The following DCC variants were observed in gnomAD, a reference collection of about 807,000 sequenced individuals.
DCC encodes the protein netrin receptor DCC.
Under a neutral mutation model 172.5 loss-of-function variants are expected in DCC, and 58 were observed. The ratio of observed to expected loss-of-function variants is 0.34; its 90% confidence interval spans 0.27 to 0.42. The LOEUF (loss-of-function observed/expected upper bound fraction) is 0.42. Among genes scored for constraint, DCC ranks in the 10% least tolerant of loss-of-function variants. The pLI is 1.00. For missense variants in DCC, 1,740 were observed against 1,791.0 expected, an observed-to-expected ratio of 0.97 and a Z score of 0.51; for synonymous variants, 709 against 644.5, an observed-to-expected ratio of 1.10 and a Z score of -1.52.
At chr18:53,429,048 A>AGT (rs1469210888) in intron 21 of DCC, among the ~76,000 whole-genome samples, 1 of 19,504 alleles carries the variant, frequency 5.1e-5, no homozygotes, top group African/African-American at 9.5e-5. Flanking sequence ...TTTTATATAT[A>AGT]ATATATTATA....
chr18:53,210,692 C>A (rs1351882961), intron 11 of DCC, among the ~76,000 whole-genome samples: 1 of 152,116 alleles, frequency 6.6e-6, no homozygotes, highest in East Asian at 1.9e-4. Flanking sequence ...CATAATAATT[C>A]TTTTCATATC....
At position 53,063,291 on chromosome 18, in the gene DCC, T is replaced by C. The variant is rs370494325; in HGVS notation, c.986-14T>C. Reference sequence around the variant, plus strand: ...CCCACCCACTCACTCACTTTTTTTTTTCTGTCTTTGCAGTTCCGCCATGGT... The same window carrying C: ...CCCACCCACTCACTCACTTTTTTTTCTCTGTCTTTGCAGTTCCGCCATGGT... On this transcript the variant is annotated splice_polypyrimidine_tract_variant and intron_variant, in intron 5 of 28. Coordinates refer to ENST00000442544, the MANE Select transcript of DCC (RefSeq NM_005215.4). The C allele has an allele frequency of 5.6e-6, 9 of 1,613,152 alleles. No individual in the cohort carries two copies. Among genetic ancestry groups the C allele is most frequent in the Non-Finnish European group, 6.8e-6 (8 of 1,179,336 alleles).
chr18:53,502,042 A>G (rs2046107385), intron 27 of DCC, among the ~76,000 whole-genome samples: 1 of 152,182 alleles, frequency 6.6e-6, no homozygotes, highest in African/African-American at 2.4e-5. Context: ...GAAGAGCCAA[A>G]GAACCATTCT....
chr18:52,670,089 A>G (rs555177729), intron 1 of DCC, among the ~76,000 whole-genome samples: 22 of 152,368 alleles, frequency 1.4e-4, no homozygotes, highest in African/African-American at 5.3e-4. Flanking sequence ...TTCAAACATC[A>G]AAGAGTCAGC....
At chr18:52,647,663 A>G (rs2035044155) in intron 1 of DCC, among the ~76,000 whole-genome samples, 1 of 152,218 alleles carries the variant, frequency 6.6e-6, no homozygotes, top group Non-Finnish European at 1.5e-5. Flanking sequence ...CAAAAATGCT[A>G]AAAATATAAA....
intron 15 of DCC, among the ~76,000 whole-genome samples, chr18:53,362,834 T>G (rs2144936054): frequency 6.6e-6 from 1 of 152,194 alleles, no homozygotes; most frequent in South Asian, 2.1e-4. Context: ...CTTACGCTGC[T>G]GTATTATCTA....
chr18:52,759,359 A>G (rs2037124196), intron 2 of DCC, among the ~76,000 whole-genome samples: 1 of 152,250 alleles, frequency 6.6e-6, no homozygotes, highest in Non-Finnish European at 1.5e-5. Context: ...TTTACAATAG[A>G]GAACTTGACA....
chr18:52,800,066 T>C (rs1026851917), intron 2 of DCC, among the ~76,000 whole-genome samples: 19 of 152,216 alleles, frequency 1.2e-4, no homozygotes, highest in African/African-American at 4.3e-4. Context: ...TTTTTCTAAA[T>C]TATACTTTTA....
chr18:53,168,445 C>A (rs923285880), intron 8 of DCC, among the ~76,000 whole-genome samples: 3 of 151,874 alleles, frequency 2.0e-5, no homozygotes, highest in African/African-American at 7.3e-5. Context: ...AACCATCATT[C>A]TCAGCAAACT....
intron 12 of DCC, among the ~76,000 whole-genome samples, chr18:53,299,298 T>G (rs1442360243): frequency 6.6e-6 from 1 of 152,184 alleles, no homozygotes; most frequent in African/African-American, 2.4e-5. Flanking sequence ...TCCAGCCTTC[T>G]CTCTCTTTTG....
chr18:52,772,965 G>C (rs1010199266), intron 2 of DCC, among the ~76,000 whole-genome samples: 5 of 152,120 alleles, frequency 3.3e-5, no homozygotes, highest in Non-Finnish European at 7.3e-5. Context: ...TGGTTGTTTG[G>C]CATTCAGAGT....
At chr18:52,476,453 T>C (rs768276726) in intron 1 of DCC, among the ~76,000 whole-genome samples, 1 of 152,232 alleles carries the variant, frequency 6.6e-6, no homozygotes, top group Non-Finnish European at 1.5e-5. Context: ...ATTCATTTAA[T>C]GTTGCGCAGA....
chr18:53,255,061 G>A (rs372465060), intron 12 of DCC, among the ~76,000 whole-genome samples: 8 of 151,866 alleles, frequency 5.3e-5, no homozygotes, highest in East Asian at 1.9e-4. Context: ...TTATGTCCAC[G>A]TCTGAAAGTG....
At chr18:53,018,930 T>C (rs1487057755) in intron 5 of DCC, among the ~76,000 whole-genome samples, 1 of 152,168 alleles carries the variant, frequency 6.6e-6, no homozygotes, top group African/African-American at 2.4e-5. Context: ...CTTTTCTTCA[T>C]GTAGTCTCCT....
chr18:52,445,836 G>A (rs1417874050), intron 1 of DCC, among the ~76,000 whole-genome samples: 5 of 152,172 alleles, frequency 3.3e-5, no homozygotes, highest in Non-Finnish European at 7.3e-5. Flanking sequence ...GGAAGGTAGC[G>A]TTCACAGATA....
At chr18:52,511,956 C>T (rs1019644113) in intron 1 of DCC, among the ~76,000 whole-genome samples, 5 of 152,040 alleles carry the variant, frequency 3.3e-5, no homozygotes, top group Non-Finnish European at 7.4e-5. Flanking sequence ...TGAAAGGGTG[C>T]GGCTGTGTTT....
chr18:52,731,707 A>T (rs2036645360), intron 1 of DCC, among the ~76,000 whole-genome samples: 1 of 152,048 alleles, frequency 6.6e-6, no homozygotes, highest in South Asian at 2.1e-4. Flanking sequence ...CCACCCACAG[A>T]TCTACCACAA....
rs564209449 is a variant in DCC, at chr18:52,670,123, T to C, written c.92-81931T>C. On this transcript the variant is annotated intron_variant, in intron 1 of 28. Coordinates refer to ENST00000442544, the MANE Select transcript of DCC (RefSeq NM_005215.4). Reference sequence around the variant, plus strand: ...GCATTCTTGGACAAAATGACCAAGATGACGCAACCTCTGTTACCCACTGTT... The same window carrying C: ...GCATTCTTGGACAAAATGACCAAGACGACGCAACCTCTGTTACCCACTGTT... Among the ~76,000 whole-genome samples the C allele has an allele frequency of 3.3e-4, 50 of 152,368 alleles. 1 individual carries two copies. Among genetic ancestry groups the C allele is most frequent in the African/African-American group, 1.2e-3 (49 of 41,594 alleles).
At chr18:53,222,411 G>C (rs1368430604) in intron 12 of DCC, among the ~76,000 whole-genome samples, 7 of 118,412 alleles carry the variant, frequency 5.9e-5, no homozygotes, top group Non-Finnish European at 9.8e-5. Flanking sequence ...TTGAAATGGA[G>C]TCTTGCTCTG....
Sources: gnomAD v4.1 joint callset for allele counts (sites outside exome capture counted in the v4.1 genomes callset) on GRCh38, gnomAD v4.1.1 for gene constraint, MANE v1.5 for transcripts, NCBI Gene and HGNC (gene_info 2026-07-23, HGNC 2026-07-21) for gene names.